CIROZ: variants seen among roughly 807,000 people sequenced by gnomAD.
The protein encoded by CIROZ is ciliated left-right organizer ZP-N domains-containing protein.
chr1:10,958,958 C>T, the CIROZ span, among the ~76,000 whole-genome samples: 1 of 152,304 alleles, frequency 6.6e-6, no homozygotes, highest in African/African-American at 2.4e-5. Context: ...AATGTCACTG[C>T]CTCAGCTGCC....
chr1:10,979,593 T>G, the CIROZ span, among the ~76,000 whole-genome samples: 1 of 152,000 alleles, frequency 6.6e-6, no homozygotes, highest in African/African-American at 2.4e-5. Context: ...CCTCTCCAAC[T>G]GCAAGGCAAG....
chr1:10,949,191 T>C, the CIROZ span: 1 of 239,628 alleles, frequency 4.2e-6, no homozygotes, highest in Non-Finnish European at 7.9e-6. Context: ...GCCACTGGAC[T>C]CCAGCCTGGA....
the CIROZ span, among the ~76,000 whole-genome samples, chr1:10,973,534 C>T: frequency 6.6e-6 from 1 of 152,152 alleles, no homozygotes; most frequent in African/African-American, 2.4e-5. Flanking sequence ...CTCATCGCTG[C>T]TGAGAGAAGC....
the CIROZ span, among the ~76,000 whole-genome samples, chr1:10,947,355 G>A: frequency 2.0e-5 from 3 of 152,176 alleles, no homozygotes; most frequent in South Asian, 4.1e-4. Flanking sequence ...CTCTTCCCTC[G>A]GGGAGGTCCA....
chr1:10,969,595 A>C, the CIROZ span, among the ~76,000 whole-genome samples: 71 of 152,298 alleles, frequency 4.7e-4, 1 homozygote, highest in African/African-American at 1.7e-3. Flanking sequence ...CCACTTGTTC[A>C]TTCAACAAAT....
chr1:10,977,995 C>T, the CIROZ span, among the ~76,000 whole-genome samples: 1 of 151,944 alleles, frequency 6.6e-6, no homozygotes, highest in Non-Finnish European at 1.5e-5. Context: ...ATGGCAAAAC[C>T]TCGTCTGTAC....
chr1:10,969,687 C>A, the CIROZ span, among the ~76,000 whole-genome samples: 15 of 152,196 alleles, frequency 9.9e-5, no homozygotes, highest in Non-Finnish European at 1.5e-5. Flanking sequence ...GTGGGCCGTG[C>A]CCTCACAGTG....
At chr1:10,976,842 G>T in the CIROZ span, among the ~76,000 whole-genome samples, 6 of 152,122 alleles carry the variant, frequency 3.9e-5, no homozygotes, top group South Asian at 6.2e-4. Context: ...AGTGTGAAAA[G>T]ATCATCCTCA....
At chr1:10,954,146 TG>T in the CIROZ span, 1 of 1,611,014 alleles carries the variant, frequency 6.2e-7, no homozygotes, top group African/African-American at 1.3e-5. Context: ...GGCATCGCTG[TG>T]GGGCCACAAG....
chr1:10,947,886 G>T, the CIROZ span: 2 of 1,613,146 alleles, frequency 1.2e-6, no homozygotes, highest in Non-Finnish European at 1.7e-6. Context: ...GGACGTGTGT[G>T]CAACCCCCCA....
the CIROZ span, chr1:10,948,237 G>C: frequency 3.1e-6 from 5 of 1,613,922 alleles, no homozygotes; most frequent in South Asian, 4.4e-5. Context: ...CCCCTCCCTG[G>C]GGAGACCAGG....
chr1:10,975,101 G>C, the CIROZ span, among the ~76,000 whole-genome samples: 3 of 151,892 alleles, frequency 2.0e-5, no homozygotes, highest in African/African-American at 7.2e-5. Flanking sequence ...ATGAAACCCC[G>C]CCTCTACTAA....
At chr1:10,957,964 A>G in the CIROZ span, among the ~76,000 whole-genome samples, 6 of 152,350 alleles carry the variant, frequency 3.9e-5, no homozygotes, top group South Asian at 4.1e-4. Flanking sequence ...GGTCCCTTGC[A>G]GGGGTGCCTG....
the CIROZ span, chr1:10,954,210 C>T: frequency 6.0e-6 from 9 of 1,507,332 alleles, no homozygotes; most frequent in Admixed American, 3.8e-5. Flanking sequence ...AATCCCAGCA[C>T]TTTGGGAGGC....
the CIROZ span, chr1:10,954,994 A>T: frequency 1.9e-6 from 3 of 1,602,474 alleles, no homozygotes; most frequent in Non-Finnish European, 2.6e-6. Flanking sequence ...ACTCACCTGG[A>T]CCTGGAGCAC....
At chr1:10,948,186 T>C in the CIROZ span, 51 of 1,613,838 alleles carry the variant, frequency 3.2e-5, no homozygotes, top group South Asian at 4.9e-4. Context: ...CTCTATGTCC[T>C]GGCTTGGTTC....
chr1:10,955,199 G>T, the CIROZ span: 1 of 1,583,652 alleles, frequency 6.3e-7, no homozygotes. Context: ...GGAATGGGAA[G>T]GACACAGGAC....
the CIROZ span, among the ~76,000 whole-genome samples, chr1:10,972,875 C>G: frequency 6.6e-6 from 1 of 150,926 alleles, no homozygotes; most frequent in East Asian, 2.0e-4. Flanking sequence ...TCACTCGAGT[C>G]TAGGAGTTCA....
chr1:10,964,191 C>T, the CIROZ span: 7 of 1,614,202 alleles, frequency 4.3e-6, no homozygotes, highest in Non-Finnish European at 5.9e-6. Flanking sequence ...GCATCGGACA[C>T]TTCATTATGT....
Sources: allele counts gnomAD v4.1 joint callset (sites outside exome capture counted in the v4.1 genomes callset), GRCh38; gene constraint gnomAD v4.1.1; transcripts MANE v1.5; gene names NCBI Gene and HGNC (gene_info 2026-07-23, HGNC 2026-07-21).